AXIN1: variants seen among roughly 807,000 people sequenced by gnomAD.
AXIN1 encodes the protein axin-1.
AXIN1 carries 30 observed loss-of-function variants against 76.4 expected under a neutral mutation model. That is an observed-to-expected ratio of 0.39 (90% CI 0.29 to 0.53). The LOEUF (loss-of-function observed/expected upper bound fraction) is 0.53. Among genes scored for constraint, AXIN1 ranks in the 20% least tolerant of loss-of-function variants. AXIN1 has a pLI of 0.66. For missense variants in AXIN1, 1,140 were observed against 1,198.8 expected, an observed-to-expected ratio of 0.95 and a Z score of 0.72; for synonymous variants, 545 against 501.4, an observed-to-expected ratio of 1.09 and a Z score of -1.16.
chr16:341,351 C>G (rs1199083468), intron 2 of AXIN1, among the ~76,000 whole-genome samples: 1 of 152,242 alleles, frequency 6.6e-6, no homozygotes, highest in Non-Finnish European at 1.5e-5. Flanking sequence ...GGGCCCGGCA[C>G]TCAGAGCAGC....
intron 2 of AXIN1, among the ~76,000 whole-genome samples, chr16:330,222 A>C (rs2053667046): frequency 6.6e-6 from 1 of 151,418 alleles, no homozygotes; most frequent in South Asian, 2.1e-4. Flanking sequence ...CACCACACTC[A>C]TCTCAATTTT....
rs188553705 is a variant in AXIN1 at position 328,593 on chromosome 16, G to C, written c.879-13910C>G. On this transcript the variant is annotated intron_variant, in intron 2 of 10. Transcript: ENST00000262320. The stretch of plus-strand genomic sequence containing the variant: ...TGTCTGTAATCCCAGCTACTCGGGA[G>C]GCTGAAGCGGGAGAATCACCTGAAC... 1.7e-4 allele frequency among the ~76,000 whole-genome samples: 26 copies of C among 152,240 alleles called. No individual in the cohort carries two copies. The East Asian group carries it at 4.8e-3, about 28-fold the overall frequency.
At position 352,484 on chromosome 16, in the gene AXIN1, G is replaced by T; in HGVS notation, c.-197C>A. On this transcript the variant is annotated 5_prime_UTR_variant, in exon 1 of 11. Transcript: ENST00000262320. ...GGGACCCGGCGGGGGCGCGGCCCGG[G>T]GCGGCCCCCATCTCGGCGGCTGCGG... 1.1e-6 allele frequency: 1 copy of T among 930,928 alleles called. No homozygotes were observed. Among genetic ancestry groups the T allele is most frequent in the South Asian group, 4.9e-5 (1 of 20,488 alleles). The allele number at this position is 930,928 out of a possible 1,614,324, so 57.7% of individuals were successfully genotyped here.
At chr16:290,741 C>G (rs918389997) in intron 9 of AXIN1, 5 of 319,376 alleles carry the variant, frequency 1.6e-5, no homozygotes, top group Admixed American at 1.3e-4. Context: ...ACTGACTGCA[C>G]GGGCTGGACA....
At chr16:334,197 T>A in intron 2 of AXIN1, among the ~76,000 whole-genome samples, 1 of 119,262 alleles carries the variant, frequency 8.4e-6, no homozygotes, top group East Asian at 3.0e-4. Context: ...CCCAGTACCA[T>A]GGCATGCCAA....
intron 2 of AXIN1, among the ~76,000 whole-genome samples, chr16:339,880 C>A (rs760807043): frequency 2.0e-4 from 31 of 152,094 alleles, no homozygotes; most frequent in Non-Finnish European, 4.4e-4. Flanking sequence ...TGGGCCACAC[C>A]CTTTGCACAG....
intron 8 of AXIN1, 118 bp from the exon 9 acceptor site, chr16:291,415 C>T (rs1485969436): frequency 2.4e-6 from 2 of 843,834 alleles, no homozygotes; most frequent in Admixed American, 2.0e-5. Context: ...GAACAACCCA[C>T]CCTGCGCAGG....
intron 5 of AXIN1, among the ~76,000 whole-genome samples, chr16:303,711 ACT>A (rs761756516): frequency 1.3e-5 from 2 of 151,398 alleles, no homozygotes; most frequent in South Asian, 2.1e-4. Context: ...CACCCAATAA[ACT>A]CTGTCCTTCT....
chr16:352,662 A>AGAGCCC lies in AXIN1; in HGVS notation c.-381_-376dup, dbSNP rs2054172262. ...AGCGGCCACGATCGCCTCCCGAGCC[A>AGAGCCC]GAGCCCGAGCCAGAGCGCCGAAGCC... On this transcript the variant is annotated 5_prime_UTR_variant, in exon 1 of 11. Transcript: ENST00000262320. 1 of 156,130 alleles carries AGAGCCC rather than the reference A, an allele frequency of 6.4e-6. No individual in the cohort carries two copies. Among genetic ancestry groups the AGAGCCC allele is most frequent in the Non-Finnish European group, 1.4e-5 (1 of 71,176 alleles). 9.7% of individuals were successfully genotyped at this position (156,130 alleles called of 1,614,324 possible). A position where few individuals can be genotyped will look rare whatever the true frequency, so the allele number is the denominator to read the frequency against.
intron 3 of AXIN1, among the ~76,000 whole-genome samples, chr16:311,639 C>T (rs1295860891): frequency 6.6e-6 from 1 of 151,892 alleles, no homozygotes; most frequent in African/African-American, 2.4e-5. Context: ...GGTGTGGTGG[C>T]GAGTGCCTGT....
intron 3 of AXIN1, among the ~76,000 whole-genome samples, chr16:313,883 C>T (rs965286491): frequency 1.3e-5 from 2 of 152,194 alleles, no homozygotes; most frequent in Non-Finnish European, 2.9e-5. Flanking sequence ...TGCCTGTCAC[C>T]TCGAGCGTCA....
At chr16:332,351 G>A (rs1597093200) in intron 2 of AXIN1, among the ~76,000 whole-genome samples, 1 of 151,938 alleles carries the variant, frequency 6.6e-6, no homozygotes, top group Non-Finnish European at 1.5e-5. Context: ...GCCAAGGCGG[G>A]CGGATCACGA....
Position 341,640 on chromosome 16 carries a change from G to A in AXIN1, c.878+4508C>T, listed in dbSNP as rs1164279824. Among the ~76,000 whole-genome samples, 4 of 152,280 alleles carry A rather than the reference G, an allele frequency of 2.6e-5. No individual in the cohort carries two copies. The East Asian group carries it at 5.8e-4, about 22-fold the overall frequency. On this transcript the variant is annotated intron_variant, in intron 2 of 10. Transcript: ENST00000262320. ...GCTGAGGAGTGCGGGCGCACGGCAC[G>A]GGACTGGCAGGCAGCTCCACCTGCA...
intron 1 of AXIN1, among the ~76,000 whole-genome samples, chr16:347,795 A>G (rs1421820997): frequency 1.3e-5 from 2 of 152,190 alleles, no homozygotes; most frequent in African/African-American, 4.8e-5. Context: ...GATCAAGGAC[A>G]CCACCCAGGC....
At chr16:325,411 G>A (rs187611324) in intron 2 of AXIN1, among the ~76,000 whole-genome samples, 2 of 152,282 alleles carry the variant, frequency 1.3e-5, no homozygotes, top group East Asian at 3.9e-4. Context: ...TTTATGCCGT[G>A]GCATGCCAGG....
intron 4 of AXIN1, 98 bp downstream of exon 4, chr16:309,875 G>T (rs1273350764): frequency 1.7e-6 from 2 of 1,204,682 alleles, no homozygotes; most frequent in Non-Finnish European, 2.4e-6. Context: ...AGCCTGGCTC[G>T]TGGGAGGCCA....
At chr16:342,056 G>A (rs897318514) in intron 2 of AXIN1, among the ~76,000 whole-genome samples, 2 of 152,242 alleles carry the variant, frequency 1.3e-5, no homozygotes, top group African/African-American at 2.4e-5. Context: ...AATAAAAGCT[G>A]GCTGCGGGAG....
chr16:345,438 G>C (rs1002578899), intron 2 of AXIN1, among the ~76,000 whole-genome samples: 3 of 152,260 alleles, frequency 2.0e-5, no homozygotes, highest in African/African-American at 4.8e-5. Context: ...AATCTGGCCG[G>C]ATGCGGCGGC....
At chr16:326,372 A>AAAAAAAAAAAAAAAATATATAT (rs1380874299) in intron 2 of AXIN1, among the ~76,000 whole-genome samples, 2 of 86,470 alleles carry the variant, frequency 2.3e-5, no homozygotes, top group African/African-American at 1.2e-4. Context: ...AAAAAAAAAA[A>AAAAAAAAAAAAAAAATATATAT]ATATATATAT....
Sources: allele counts gnomAD v4.1 joint callset (sites outside exome capture counted in the v4.1 genomes callset), GRCh38; gene constraint gnomAD v4.1.1; transcripts MANE v1.5; gene names NCBI Gene and HGNC (gene_info 2026-07-23, HGNC 2026-07-21).